The following ACAA2 variants were observed in gnomAD, a reference collection of about 807,000 sequenced individuals.
ACAA2 encodes acetyl-CoA acyltransferase 2, also known as 3-ketoacyl-CoA thiolase, mitochondrial.
A neutral mutation model predicts 44.8 loss-of-function variants in ACAA2; 35 were observed. The observed-to-expected ratio is 0.78, with a 90% CI of 0.60 to 1.04. The LOEUF is 1.04. Ranked by LOEUF, ACAA2 falls within the 50% of genes least tolerant of loss-of-function variation. The pLI is 0.00. For missense variants in ACAA2, 468 were observed against 482.6 expected, an observed-to-expected ratio of 0.97 and a Z score of 0.28; for synonymous variants, 142 against 166.5, an observed-to-expected ratio of 0.85 and a Z score of 1.13.
chr18:49,809,243 A>G (rs1568591917), intron 1 of ACAA2, among the ~76,000 whole-genome samples: 1 of 152,188 alleles, frequency 6.6e-6, no homozygotes, highest in Non-Finnish European at 1.5e-5. Flanking sequence ...CTGATTTCAT[A>G]TTGCTCAAAC....
intron 7 of ACAA2, among the ~76,000 whole-genome samples, chr18:49,789,518 G>A (rs2023373372): frequency 6.6e-6 from 1 of 152,138 alleles, no homozygotes; most frequent in African/African-American, 2.4e-5. Context: ...AAATATTCAG[G>A]CCCAGGAACA....
In ACAA2 at chr18:49,804,006, GT is replaced by G. The variant is rs536687725; in HGVS notation, c.17-1154del. Among the ~76,000 whole-genome samples, 4 of 151,544 alleles carry G rather than the reference GT, an allele frequency of 2.6e-5. No homozygotes were observed. The South Asian group carries it at 8.3e-4, about 32-fold the overall frequency. On this transcript the variant is annotated intron_variant, in intron 1 of 9. Coordinates refer to ENST00000285093, the MANE Select transcript of ACAA2 (RefSeq NM_006111.3). Reference sequence around the variant, plus strand: ...GCTCACTGCAACCTCCGCCTCCCGGGTTCAAGTGATTCTCCTGCCTCAGCCT... The same window carrying G: ...GCTCACTGCAACCTCCGCCTCCCGGGTCAAGTGATTCTCCTGCCTCAGCCT...
At chr18:49,789,993 C>A (rs1049889416) in intron 7 of ACAA2, among the ~76,000 whole-genome samples, 1 of 152,150 alleles carries the variant, frequency 6.6e-6, no homozygotes, top group Non-Finnish European at 1.5e-5. Context: ...GGGCTCCACT[C>A]TGGACTTACT....
In ACAA2 at chr18:49,802,826, G is replaced by A. The variant is rs777732630; in HGVS notation, c.44C>T (p.Thr15Met). 83 of 1,613,894 alleles carry A rather than the reference G, an allele frequency of 5.1e-5. 1 individual carries two copies. Among genetic ancestry groups the A allele is most frequent in the South Asian group, 3.1e-4 (28 of 91,060 alleles). Residue 15 changes from threonine (T) to methionine (M), a missense_variant, in exon 2 of 10, where the codon ACG becomes ATG. By Grantham distance (81) the Thr-to-Met change is moderately conservative. Transcript: ENST00000285093. ...AAGGCCTCCGTAAGCTCCAAAGGGC[G>A]TTCGCTTAGCAGCAACTACAAACAC... Reference protein sequence around the residue: ...RGVFVVAAKRTPFGAYGGLLK... With the variant: ...RGVFVVAAKRMPFGAYGGLLK...
intron 2 of ACAA2, 104 bp downstream of exon 2, chr18:49,802,582 AT>A: frequency 1.0e-6 from 1 of 980,626 alleles, no homozygotes; most frequent in Non-Finnish European, 1.4e-6. Flanking sequence ...AAAAAAGTCT[AT>A]AACTATTATT....
intron 1 of ACAA2, among the ~76,000 whole-genome samples, chr18:49,803,808 G>T (rs933637357): frequency 1.3e-5 from 2 of 151,900 alleles, no homozygotes; most frequent in Admixed American, 6.6e-5. Context: ...CCTGACAAAA[G>T]GTTCTCTCTA....
At chr18:49,802,890 G>T in intron 1 of ACAA2, 37 bp from the exon 2 acceptor site, 4 of 1,607,374 alleles carry the variant, frequency 2.5e-6, no homozygotes, top group Non-Finnish European at 3.4e-6. Flanking sequence ...GCCATCACAG[G>T]TTAGTAAATA....
chr18:49,783,583 C>T lies in ACAA2; in HGVS notation c.*264G>A, dbSNP rs1164142293. 1.9e-5 allele frequency: 6 copies of T among 319,882 alleles called. No individual in the cohort carries two copies. The East Asian group carries it at 2.5e-4, about 13-fold the overall frequency. 19.8% of individuals were successfully genotyped at this position (319,882 alleles called of 1,614,324 possible). A position where few individuals can be genotyped will look rare whatever the true frequency, so the allele number is the denominator to read the frequency against. ...AAGTGGTGGTTACTTGGCAAGAATA[C>T]GATTTCTTTTAATGTCTTCTATAGT... is the stretch of plus-strand genomic sequence containing the variant. On this transcript the variant is annotated 3_prime_UTR_variant, in exon 10 of 10. Transcript: ENST00000285093.
chr18:49,795,854 C>A lies in ACAA2; in HGVS notation c.340G>T (p.Val114Phe). 8.1e-6 allele frequency: 13 copies of A among 1,611,772 alleles called. No homozygotes were observed. Among genetic ancestry groups the A allele is most frequent in the Non-Finnish European group, 1.1e-5 (13 of 1,178,874 alleles). The change falls in exon 4 of 10, where the codon GTT becomes TTT. Residue 114 changes from valine (V) to phenylalanine (F), a missense_variant. Physicochemically the swap from Val to Phe is conservative, Grantham distance 50 (BLOSUM62 -1). Transcript: ENST00000285093. Reference sequence around the variant, plus strand: ...ATGCTTTCGGTTCCTCCACATAAAACAACTTCAGCTTCTTTAACACAAATT... The same window carrying A: ...ATGCTTTCGGTTCCTCCACATAAAAAAACTTCAGCTTCTTTAACACAAATT... ...QEICVKEAEV[V>F]LCGGTESMSQ...
At chr18:49,800,015 C>T (rs2023520923) in intron 2 of ACAA2, among the ~76,000 whole-genome samples, 1 of 151,182 alleles carries the variant, frequency 6.6e-6, no homozygotes, top group Admixed American at 6.6e-5. Context: ...GCCCCTCCGC[C>T]TGGCAGCCAC....
In ACAA2 at chr18:49,803,442, G is replaced by A. The variant is rs2023579759; in HGVS notation, c.17-589C>T. On this transcript the variant is annotated intron_variant, in intron 1 of 9. Coordinates refer to ENST00000285093, the MANE Select transcript of ACAA2 (RefSeq NM_006111.3). ...ACCATCCTTTCAGGTGGACCCCTTA[G>A]AGTTGTAAGCCCTTAAAAGGGCCAA... Among the ~76,000 whole-genome samples, 5 of 152,062 alleles carry A rather than the reference G, an allele frequency of 3.3e-5. 1 individual carries two copies. In the South Asian group the frequency reaches 1.0e-3, roughly 32 times the overall value.
At chr18:49,804,029 G>A (rs2023586409) in intron 1 of ACAA2, among the ~76,000 whole-genome samples, 1 of 151,230 alleles carries the variant, frequency 6.6e-6, no homozygotes, top group African/African-American at 2.4e-5. Context: ...TCCTGCCTCA[G>A]CCTCCCGAGT....
At chr18:49,790,728 C>T (rs1174914829) in intron 7 of ACAA2, among the ~76,000 whole-genome samples, 5 of 152,158 alleles carry the variant, frequency 3.3e-5, no homozygotes, top group African/African-American at 1.2e-4. Context: ...GCTCTTTGTT[C>T]TACTTCTAAA....
intron 4 of ACAA2, 41 bp from the exon 5 acceptor site, chr18:49,794,468 C>T: frequency 1.4e-6 from 2 of 1,429,060 alleles, no homozygotes. Context: ...TAAGGCATTT[C>T]CTTTTAAAAG....
intron 8 of ACAA2, chr18:49,786,414 C>T (rs988717818): frequency 6.6e-6 from 1 of 152,136 alleles, no homozygotes; most frequent in Non-Finnish European, 1.5e-5. Flanking sequence ...TTAGTGGTAC[C>T]TATTTGCTGA....
intron 4 of ACAA2, among the ~76,000 whole-genome samples, chr18:49,794,657 G>C (rs564178476): frequency 1.2e-4 from 19 of 152,270 alleles, no homozygotes; most frequent in Non-Finnish European, 2.1e-4. Context: ...CTCTCTAAAT[G>C]TGGGGGTCTA....
intron 2 of ACAA2, among the ~76,000 whole-genome samples, chr18:49,800,090 C>A (rs2023522361): frequency 6.8e-6 from 1 of 147,896 alleles, no homozygotes; most frequent in Non-Finnish European, 1.5e-5. Flanking sequence ...AGGTGGGGGT[C>A]AGCCCCCACC....
chr18:49,787,273 A>AAAAC lies in ACAA2; in HGVS notation c.954+17_954+18insGTTT, dbSNP rs1555789760. ...TATTCATGTTGTTAAAAAAAAAAAA[A>AAAAC]AAAAAAAAAACACTTACCTCTACCA... On this transcript the variant is annotated intron_variant, in intron 8 of 9. Coordinates refer to ENST00000285093, the MANE Select transcript of ACAA2 (RefSeq NM_006111.3). 42 of 1,166,842 alleles carry AAAAC rather than the reference A, an allele frequency of 3.6e-5. No homozygotes were observed. The highest frequency in any genetic ancestry group is 4.5e-5 in the Non-Finnish European group (40 of 881,284). The allele number at this position is 1,166,842 out of a possible 1,614,324, so 72.3% of individuals were successfully genotyped here. A position where few individuals can be genotyped will look rare whatever the true frequency, so the allele number is the denominator to read the frequency against.
intron 1 of ACAA2, among the ~76,000 whole-genome samples, chr18:49,809,115 A>G (rs1054347778): frequency 6.6e-6 from 1 of 152,182 alleles, no homozygotes; most frequent in African/African-American, 2.4e-5. Flanking sequence ...ATATCCGTTT[A>G]TAGGCTCTCT....
Sources: gnomAD v4.1 joint callset for allele counts (sites outside exome capture counted in the v4.1 genomes callset) on GRCh38, gnomAD v4.1.1 for gene constraint, MANE v1.5 for transcripts, NCBI Gene and HGNC (gene_info 2026-07-23, HGNC 2026-07-21) for gene names.